GADL1: variants seen among roughly 807,000 people sequenced by gnomAD.
GADL1 encodes GAD like acidic amino acid decarboxylase 1.
GADL1 carries 71 observed loss-of-function variants against 69.5 expected under a neutral mutation model. That is an observed-to-expected ratio of 1.02 (90% CI 0.84 to 1.25). GADL1 has a LOEUF of 1.25. Ranked by LOEUF, GADL1 falls within the 50% of genes most tolerant of loss-of-function variation. GADL1 has a pLI of 0.00. For missense variants in GADL1, 737 were observed against 631.8 expected, an observed-to-expected ratio of 1.17 and a Z score of -1.79; for synonymous variants, 254 against 214.4, an observed-to-expected ratio of 1.18 and a Z score of -1.62.
At chr3:30,757,565 C>CGG (rs1696006743) in intron 14 of GADL1, among the ~76,000 whole-genome samples, 1 of 152,178 alleles carries the variant, frequency 6.6e-6, no homozygotes, top group East Asian at 1.9e-4. Context: ...AGGATGATTA[C>CGG]AGGCCCATGG....
chr3:30,826,453 AG>A (rs926188919), intron 11 of GADL1, among the ~76,000 whole-genome samples: 8 of 151,872 alleles, frequency 5.3e-5, no homozygotes, highest in African/African-American at 1.9e-4. Flanking sequence ...CTACACCCTC[AG>A]GGTTCTGCAC....
intron 14 of GADL1, among the ~76,000 whole-genome samples, chr3:30,766,315 T>C (rs1387963557): frequency 6.6e-6 from 1 of 152,178 alleles, no homozygotes; most frequent in Non-Finnish European, 1.5e-5. Context: ...ATCAGGGATG[T>C]CTTGAAGATG....
intron 13 of GADL1, among the ~76,000 whole-genome samples, chr3:30,780,961 G>A (rs948567907): frequency 2.6e-5 from 4 of 152,174 alleles, no homozygotes; most frequent in African/African-American, 7.2e-5. Flanking sequence ...AATTCTTAAA[G>A]AGACTTCAAA....
intron 14 of GADL1, among the ~76,000 whole-genome samples, chr3:30,759,104 G>A (rs1190410128): frequency 6.6e-6 from 1 of 152,002 alleles, no homozygotes; most frequent in East Asian, 1.9e-4. Context: ...CGATGGAGCT[G>A]GTTGGATTTA....
intron 1 of GADL1, among the ~76,000 whole-genome samples, chr3:30,874,911 A>G (rs1342211051): frequency 6.6e-6 from 1 of 151,938 alleles, no homozygotes; most frequent in East Asian, 1.9e-4. Flanking sequence ...GCACCAACGT[A>G]CATAATTGCT....
intron 11 of GADL1, among the ~76,000 whole-genome samples, chr3:30,804,745 G>T (rs1020199667): frequency 7.2e-5 from 11 of 152,138 alleles, no homozygotes; most frequent in African/African-American, 2.2e-4. Context: ...TTATACTGAG[G>T]TCTATCTTCC....
intron 10 of GADL1, 68 bp from the exon 11 acceptor site, chr3:30,834,002 A>G (rs988377383): frequency 9.3e-7 from 1 of 1,069,870 alleles, no homozygotes; most frequent in Admixed American, 1.8e-5. Context: ...ATGGAATACT[A>G]TCATTATCAA....
intron 1 of GADL1, among the ~76,000 whole-genome samples, chr3:30,875,935 A>G (rs1698571190): frequency 6.6e-6 from 1 of 151,978 alleles, no homozygotes; most frequent in Admixed American, 6.6e-5. Flanking sequence ...GCAATTGGAC[A>G]CGCCTGGATT....
chr3:30,846,664 T>C (rs1462167643), intron 6 of GADL1, among the ~76,000 whole-genome samples: 1 of 151,940 alleles, frequency 6.6e-6, no homozygotes, highest in Non-Finnish European at 1.5e-5. Flanking sequence ...ACAAAAAGAG[T>C]GTCCAAGGGA....
At chr3:30,812,626 G>C (rs1301108889) in intron 11 of GADL1, among the ~76,000 whole-genome samples, 1 of 152,080 alleles carries the variant, frequency 6.6e-6, no homozygotes, top group African/African-American at 2.4e-5. Flanking sequence ...ATGAGATTTG[G>C]GTGGGGATAG....
At chr3:30,780,867 T>G (rs974590231) in intron 13 of GADL1, among the ~76,000 whole-genome samples, 1 of 152,232 alleles carries the variant, frequency 6.6e-6, no homozygotes, top group African/African-American at 2.4e-5. Context: ...ATTTCCAAAA[T>G]TAAGAGTTGA....
chr3:30,816,129 G>C (rs953519222), intron 11 of GADL1, among the ~76,000 whole-genome samples: 3 of 152,136 alleles, frequency 2.0e-5, no homozygotes, highest in African/African-American at 7.2e-5. Context: ...CTCTATTTCA[G>C]TATAGATGAG....
intron 1 of GADL1, among the ~76,000 whole-genome samples, chr3:30,891,391 C>G (rs1406364297): frequency 6.6e-6 from 1 of 152,138 alleles, no homozygotes; most frequent in Non-Finnish European, 1.5e-5. Context: ...CCTTCCCACT[C>G]AAAGAGGAAA....
At chr3:30,793,494 C>T (rs1425902587) in intron 12 of GADL1, among the ~76,000 whole-genome samples, 10 of 152,042 alleles carry the variant, frequency 6.6e-5, no homozygotes, top group South Asian at 2.1e-4. Flanking sequence ...TAAGTGGACT[C>T]GAAAAGCAGT....
intron 11 of GADL1, among the ~76,000 whole-genome samples, chr3:30,814,890 G>C (rs9825703): frequency 0.26 from 38,808 of 151,582 alleles, 5,775 homozygotes; most frequent in African/African-American, 0.39. Flanking sequence ...CTTGAACCTG[G>C]GAGGCGGAGA....
In GADL1 at chr3:30,789,619, C is replaced by T. The variant is rs116055039; in HGVS notation, c.1251-3213G>A. 4.9e-3 allele frequency among the ~76,000 whole-genome samples: 748 copies of T among 152,260 alleles called. 7 individuals carry two copies. Among genetic ancestry groups the T allele is most frequent in the African/African-American group, 0.017 (721 of 41,554 alleles). ...CTTCTTCCAATATAAGACTGATTTG[C>T]CTACATTGAAAACCTGTTTAATGTA... On this transcript the variant is annotated intron_variant, in intron 12 of 14. Coordinates refer to ENST00000282538, the MANE Select transcript of GADL1 (RefSeq NM_207359.3).
intron 1 of GADL1, among the ~76,000 whole-genome samples, chr3:30,891,103 C>T (rs1698780180): frequency 6.6e-6 from 1 of 151,490 alleles, no homozygotes; most frequent in Non-Finnish European, 1.5e-5. Flanking sequence ...AGTCTGCCTG[C>T]TCCCAGGGTA....
chr3:30,888,010 C>T (rs767088579), intron 1 of GADL1, among the ~76,000 whole-genome samples: 1 of 152,218 alleles, frequency 6.6e-6, no homozygotes, highest in Non-Finnish European at 1.5e-5. Flanking sequence ...AACCTAAGCA[C>T]ATCCTCCTGT....
At chr3:30,810,909 C>G (rs545139582) in intron 11 of GADL1, among the ~76,000 whole-genome samples, 1 of 152,246 alleles carries the variant, frequency 6.6e-6, no homozygotes, top group South Asian at 2.1e-4. Flanking sequence ...TGGAAACACA[C>G]CAGCCTTCTT....
Sources: allele counts gnomAD v4.1 joint callset (sites outside exome capture counted in the v4.1 genomes callset), GRCh38; gene constraint gnomAD v4.1.1; transcripts MANE v1.5; gene names NCBI Gene and HGNC (gene_info 2026-07-23, HGNC 2026-07-21).